Variants in COBL observed in about 807,000 individuals in gnomAD.
The protein encoded by COBL is cordon-bleu WH2 repeat protein.
COBL carries 51 observed loss-of-function variants against 98.8 expected under a neutral mutation model. The observed-to-expected ratio is 0.52, with a 90% CI of 0.41 to 0.65. The LOEUF (loss-of-function observed/expected upper bound fraction) is 0.65, where lower values mean the gene tolerates loss of function less well. COBL is among the 30% of genes least tolerant of loss of function. COBL has a pLI of 0.00. For synonymous variants in COBL, 634 were observed against 651.7 expected (o/e 0.97, Z 0.41); for missense variants, 1,617 against 1,617.5 (o/e 1.00, Z 0.01).
At position 51,017,489 on chromosome 7, in the gene COBL, C is replaced by T. The variant is rs1308738507; in HGVS notation, c.*62G>A. ...TTGATGTTCCTGGCTATGCAGACTC[C>T]TTGAGTGACGCCTGTGGGCATATTA... On this transcript the variant is annotated 3_prime_UTR_variant, in exon 13 of 13. Transcript: ENST00000265136. 20 of 1,573,596 alleles carry T rather than the reference C, an allele frequency of 1.3e-5. No individual in the cohort carries two copies. Among genetic ancestry groups the T allele is most frequent in the Non-Finnish European group, 1.5e-5 (17 of 1,143,382 alleles).
At chr7:51,025,917 A>G (rs1787505772) in intron 11 of COBL, among the ~76,000 whole-genome samples, 1 of 152,212 alleles carries the variant, frequency 6.6e-6, no homozygotes, top group East Asian at 1.9e-4. Context: ...CCCAGAGACT[A>G]GAAGTTGGCA....
chr7:51,188,725 G>C (rs774831868), intron 4 of COBL, among the ~76,000 whole-genome samples: 1 of 152,168 alleles, frequency 6.6e-6, no homozygotes, highest in African/African-American at 2.4e-5. Context: ...GGCTTGTTCT[G>C]CTCTGTCCCA....
intron 5 of COBL, among the ~76,000 whole-genome samples, chr7:51,180,759 GGCTACAAGTCTCTAAA>G (rs1788869505): frequency 1.3e-5 from 2 of 151,984 alleles, no homozygotes; most frequent in South Asian, 4.1e-4. Flanking sequence ...ATTACCTCCT[GGCTACAAGTCTCTAAA>G]GAAGAAGCAG....
chr7:51,226,335 G>A (rs1230380936), intron 1 of COBL, among the ~76,000 whole-genome samples: 1 of 152,176 alleles, frequency 6.6e-6, no homozygotes, highest in Non-Finnish European at 1.5e-5. Flanking sequence ...AGATTCTTCA[G>A]CAATAGGATG....
chr7:51,222,472 C>T (rs899474678), intron 1 of COBL, among the ~76,000 whole-genome samples: 2 of 152,140 alleles, frequency 1.3e-5, no homozygotes, highest in African/African-American at 2.4e-5. Context: ...TGTGAGCACA[C>T]CTTCCCAATG....
intron 1 of COBL, among the ~76,000 whole-genome samples, chr7:51,252,079 T>C (rs1282423827): frequency 6.6e-6 from 1 of 152,206 alleles, no homozygotes; most frequent in Non-Finnish European, 1.5e-5. Flanking sequence ...TACAGCTTTT[T>C]TTTTCAATCC....
At chr7:51,059,898 T>A (rs919290573) in intron 7 of COBL, among the ~76,000 whole-genome samples, 4 of 152,278 alleles carry the variant, frequency 2.6e-5, no homozygotes, top group Middle Eastern at 3.4e-3. Context: ...AACTGTTCAA[T>A]CCTCATCTCA....
intron 1 of COBL, among the ~76,000 whole-genome samples, chr7:51,267,136 G>A (rs561160274): frequency 6.6e-6 from 1 of 152,160 alleles, no homozygotes; most frequent in Admixed American, 6.5e-5. Context: ...AGAAAACCTT[G>A]AACAAAAATA....
At position 51,256,074 on chromosome 7, in the gene COBL, G is replaced by A. The variant is rs148163593; in HGVS notation, c.42-36130C>T. Among the ~76,000 whole-genome samples, 885 of 152,184 alleles carry A rather than the reference G, an allele frequency of 5.8e-3. 6 individuals are homozygous for A. The highest frequency in any genetic ancestry group is 8.7e-3 in the Admixed American group (133 of 15,280). On this transcript the variant is annotated intron_variant, in intron 1 of 12. Coordinates refer to ENST00000265136, the MANE Select transcript of COBL (RefSeq NM_015198.5). ...TTTCTGAAATGTGTTCTGGAATGCC[G>A]TGTGGCTCAGCTGAGACCCTGAATT...
intron 1 of COBL, among the ~76,000 whole-genome samples, chr7:51,292,096 G>C (rs925059584): frequency 6.6e-6 from 1 of 150,784 alleles, no homozygotes; most frequent in Non-Finnish European, 1.5e-5. Flanking sequence ...GTAGTGAGCC[G>C]AGATTGTGCC....
chr7:51,300,407 T>A (rs2129201735), intron 1 of COBL, among the ~76,000 whole-genome samples: 1 of 152,296 alleles, frequency 6.6e-6, no homozygotes, highest in African/African-American at 2.4e-5. Flanking sequence ...GTGATCTGCC[T>A]GCCTTAGCCT....
intron 1 of COBL, among the ~76,000 whole-genome samples, chr7:51,295,123 C>T (rs1801302598): frequency 6.6e-6 from 1 of 151,686 alleles, no homozygotes; most frequent in Admixed American, 6.6e-5. Context: ...CCCATCTCTA[C>T]AAAAATACAA....
At chr7:51,298,396 C>T (rs1306312786) in intron 1 of COBL, among the ~76,000 whole-genome samples, 1 of 152,250 alleles carries the variant, frequency 6.6e-6, no homozygotes, top group Admixed American at 6.5e-5. Context: ...TCAGGGCATG[C>T]TTTAAGAGGT....
rs189326263 is a variant in COBL, at chr7:51,284,979, G to C, written c.41+31614C>G. ...TTTTTTTTTTTTGAGACAGAGTCTT[G>C]GTCTGTCACCCAGGCTAGAGTGCAG... On this transcript the variant is annotated intron_variant, in intron 1 of 12. Transcript: ENST00000265136. 5.8e-3 allele frequency among the ~76,000 whole-genome samples: 831 copies of C among 144,268 alleles called. 2 individuals carry two copies. The highest frequency in any genetic ancestry group is 0.021 in the African/African-American group (802 of 39,068). The allele number at this position is 144,268 out of a possible 152,430, so 94.6% of individuals were successfully genotyped here.
chr7:51,028,468 T>C lies in COBL; in HGVS notation c.2628A>G (p.Ile876Met), dbSNP rs1287035571. The change falls in exon 10 of 13, where the codon ATA (isoleucine) becomes ATG (methionine). Residue 876 changes from isoleucine to methionine, a missense_variant. Physicochemically the swap from Ile to Met is conservative, Grantham distance 10. Around this residue, in one of 3 missense-constraint regions of COBL, gnomAD observed 1,304 missense variants for 1,282.0 expected, o/e 1.02. Transcript: ENST00000265136. ...CATCAGCATGGACTTTTGGGGCTCC[T>C]ATGCGCTTGGCAATGGCAGAGGCCA... Reference protein sequence around the residue: ...QYVASAIAKRIGAPKVHADVV... With the variant: ...QYVASAIAKRMGAPKVHADVV... The C allele has an allele frequency of 2.5e-6, 4 of 1,614,274 alleles. No individual in the cohort carries two copies. The highest frequency in any genetic ancestry group is 3.4e-6 in the Non-Finnish European group (4 of 1,180,046).
At chr7:51,262,328 G>T (rs550081366) in intron 1 of COBL, among the ~76,000 whole-genome samples, 101 of 152,332 alleles carry the variant, frequency 6.6e-4, no homozygotes, top group African/African-American at 2.3e-3. Flanking sequence ...GCCCCAGGAG[G>T]TGACAGGAAA....
chr7:51,275,853 G>A (rs1032790535), intron 1 of COBL, among the ~76,000 whole-genome samples: 2 of 152,200 alleles, frequency 1.3e-5, no homozygotes, highest in African/African-American at 4.8e-5. Flanking sequence ...AGCCTGATTA[G>A]GGGCTGTAGG....
At chr7:51,163,498 T>C (rs1288685858) in intron 5 of COBL, among the ~76,000 whole-genome samples, 3 of 152,260 alleles carry the variant, frequency 2.0e-5, no homozygotes, top group Non-Finnish European at 4.4e-5. Context: ...AGTGCTGTAC[T>C]GCCCTAGGGC....
intron 2 of COBL, among the ~76,000 whole-genome samples, chr7:51,207,640 C>G (rs1174895691): frequency 1.3e-5 from 2 of 152,156 alleles, no homozygotes; most frequent in Non-Finnish European, 2.9e-5. Flanking sequence ...CTGTGTTGGC[C>G]GGGCTGGTCT....
Sources: gnomAD v4.1 joint callset for allele counts (sites outside exome capture counted in the v4.1 genomes callset) on GRCh38, gnomAD v4.1.1 for gene constraint, gnomAD v4.1.1 regional missense constraint, MANE v1.5 for transcripts, NCBI Gene and HGNC (gene_info 2026-07-23, HGNC 2026-07-21) for gene names.